MAP4K3: variants seen among roughly 807,000 people sequenced by gnomAD.
The protein encoded by MAP4K3 is MAPK/ERK kinase kinase kinase 3.
In MAP4K3, 94 loss-of-function variants were observed where a neutral mutation model predicts 143.5. The ratio of observed to expected loss-of-function variants is 0.65; its 90% CI spans 0.55 to 0.78. The LOEUF is 0.78. MAP4K3 is among the 30% of genes least tolerant of loss of function. The probability of loss-of-function intolerance (pLI) is 0.00; values close to 1 mark genes in which losing one functional copy is unlikely to be tolerated. For synonymous variants in MAP4K3, 416 were observed against 347.2 expected (o/e 1.20, Z -2.20); for missense variants, 1,077 against 1,068.1 (o/e 1.01, Z -0.12).
At chr2:39,251,744 C>A in intron 33 of MAP4K3, 86 bp downstream of exon 33, 1 of 1,118,900 alleles carries the variant, frequency 8.9e-7, no homozygotes, top group East Asian at 2.4e-5. Context: ...GCAGACATTT[C>A]AATTCTCTTG....
intron 1 of MAP4K3, among the ~76,000 whole-genome samples, chr2:39,417,495 G>A (rs1667417871): frequency 6.6e-6 from 1 of 151,900 alleles, no homozygotes; most frequent in African/African-American, 2.4e-5. Context: ...TGGGATTACA[G>A]GCGTGAGCCA....
intron 1 of MAP4K3, among the ~76,000 whole-genome samples, chr2:39,413,652 C>A (rs188082391): frequency 6.6e-6 from 1 of 152,020 alleles, no homozygotes; most frequent in Admixed American, 6.6e-5. Context: ...TGAACACAAT[C>A]AGAAAAAGTT....
intron 1 of MAP4K3, among the ~76,000 whole-genome samples, chr2:39,414,191 CA>C (rs1226043600): frequency 6.6e-6 from 1 of 152,154 alleles, no homozygotes; most frequent in African/African-American, 2.4e-5. Context: ...ACCTCTCCAT[CA>C]AAAGCCAAAA....
intron 2 of MAP4K3, among the ~76,000 whole-genome samples, chr2:39,366,948 T>C (rs753488010): frequency 6.6e-6 from 1 of 152,102 alleles, no homozygotes; most frequent in Non-Finnish European, 1.5e-5. Flanking sequence ...AACACAGAAA[T>C]ACAAAGGAAG....
intron 21 of MAP4K3, among the ~76,000 whole-genome samples, chr2:39,285,013 C>G (rs1681707715): frequency 6.6e-6 from 1 of 151,946 alleles, no homozygotes; most frequent in South Asian, 2.1e-4. Context: ...CTGTCTCAGC[C>G]TCCTGAGCAG....
rs1037970368 is a variant in MAP4K3, at chr2:39,258,329, T to C, written c.2470+19A>G. 1 of 1,480,662 alleles carries C rather than the reference T, an allele frequency of 6.8e-7. No individual in the cohort carries two copies. Among genetic ancestry groups the C allele is most frequent in the Non-Finnish European group, 9.3e-7 (1 of 1,075,434 alleles). The allele number at this position is 1,480,662 out of a possible 1,614,324, so 91.7% of individuals were successfully genotyped here. ...TTTAAGGAGTTCATAATGCAAAGAA[T>C]TATAAAACTTTGACTTACCTATTGA... On this transcript the variant is annotated intron_variant, in intron 31 of 33. Coordinates refer to ENST00000263881, the MANE Select transcript of MAP4K3 (RefSeq NM_003618.4).
At chr2:39,260,551 T>TA (rs1364836601) in intron 29 of MAP4K3, 55 bp downstream of exon 29, 2 of 1,453,902 alleles carry the variant, frequency 1.4e-6, no homozygotes, top group East Asian at 4.6e-5. Context: ...GTAAACTTAC[T>TA]ACTTATAAAA....
chr2:39,349,693 A>G (rs937764608), intron 3 of MAP4K3, among the ~76,000 whole-genome samples: 8 of 151,582 alleles, frequency 5.3e-5, no homozygotes, highest in Admixed American at 3.9e-4. Context: ...CAGAAAGAAG[A>G]TAAAGTGGGA....
intron 1 of MAP4K3, among the ~76,000 whole-genome samples, chr2:39,430,247 A>C (rs1665244727): frequency 6.6e-6 from 1 of 152,338 alleles, no homozygotes; most frequent in Middle Eastern, 3.4e-3. Flanking sequence ...TTTATACAGA[A>C]AGAATTTTTA....
intron 26 of MAP4K3, among the ~76,000 whole-genome samples, chr2:39,268,144 A>G (rs1038590855): frequency 2.0e-5 from 3 of 152,158 alleles, no homozygotes; most frequent in Admixed American, 6.5e-5. Context: ...GTGTTTTGCA[A>G]ACATCTGACT....
chr2:39,393,841 G>A (rs113996694), intron 1 of MAP4K3, among the ~76,000 whole-genome samples: 1 of 152,100 alleles, frequency 6.6e-6, no homozygotes, highest in Non-Finnish European at 1.5e-5. Flanking sequence ...ATATATATGG[G>A]TTTCACATTA....
chr2:39,388,430 A>T (rs896294545), intron 1 of MAP4K3, among the ~76,000 whole-genome samples: 14 of 152,232 alleles, frequency 9.2e-5, no homozygotes, highest in African/African-American at 1.7e-4. Context: ...AAACAGCTTT[A>T]AAAAATCTGT....
intron 2 of MAP4K3, among the ~76,000 whole-genome samples, chr2:39,363,715 T>C (rs541048361): frequency 2.0e-5 from 3 of 147,306 alleles, no homozygotes; most frequent in Non-Finnish European, 4.5e-5. Flanking sequence ...GGGTGATGGA[T>C]ATATGAAATA....
intron 1 of MAP4K3, among the ~76,000 whole-genome samples, chr2:39,426,076 C>T (rs1665069378): frequency 6.6e-6 from 1 of 152,172 alleles, no homozygotes; most frequent in Non-Finnish European, 1.5e-5. Flanking sequence ...AAACTTGGCA[C>T]ACCCACCTTA....
chr2:39,398,434 C>G (rs551627871), intron 1 of MAP4K3, among the ~76,000 whole-genome samples: 1 of 151,598 alleles, frequency 6.6e-6, no homozygotes, highest in Non-Finnish European at 1.5e-5. Flanking sequence ...AAGGAATAAA[C>G]AGAAATTAAC....
At chr2:39,388,526 G>A (rs975662992) in intron 1 of MAP4K3, among the ~76,000 whole-genome samples, 1 of 152,188 alleles carries the variant, frequency 6.6e-6, no homozygotes. Flanking sequence ...AGGGACTTCA[G>A]TTTTGATTTT....
At chr2:39,347,650 CTTAAA>C (rs1409548601) in intron 3 of MAP4K3, among the ~76,000 whole-genome samples, 1 of 151,968 alleles carries the variant, frequency 6.6e-6, no homozygotes, top group African/African-American at 2.4e-5. Context: ...TGTAGTATAA[CTTAAA>C]TTAACTTGTA....
At chr2:39,429,751 T>C (rs1572518919) in intron 1 of MAP4K3, among the ~76,000 whole-genome samples, 1 of 152,272 alleles carries the variant, frequency 6.6e-6, no homozygotes, top group East Asian at 1.9e-4. Context: ...GGACCTAGAA[T>C]AGATAAAACC....
intron 31 of MAP4K3, 123 bp downstream of exon 31, chr2:39,258,225 C>G: frequency 1.3e-6 from 1 of 758,868 alleles, no homozygotes; most frequent in East Asian, 2.8e-5. Context: ...AGCCACCATG[C>G]CCAGCCATAT....
Sources: allele counts gnomAD v4.1 joint callset (sites outside exome capture counted in the v4.1 genomes callset), GRCh38; gene constraint gnomAD v4.1.1; transcripts MANE v1.5; gene names NCBI Gene and HGNC (gene_info 2026-07-23, HGNC 2026-07-21).